The following KIAA0319 variants were observed in gnomAD, a reference collection of about 807,000 sequenced individuals.
KIAA0319 encodes the protein KIAA0319.
A neutral mutation model predicts 108.4 loss-of-function variants in KIAA0319; 83 were observed. That is an observed-to-expected ratio of 0.77 (90% CI 0.64 to 0.92). The LOEUF is 0.92. Ranked by LOEUF, KIAA0319 falls within the 40% of genes least tolerant of loss-of-function variation. KIAA0319 has a pLI of 0.00. For missense variants in KIAA0319, 1,195 were observed against 1,322.4 expected (o/e 0.90, Z 1.49); for synonymous variants, 484 against 510.4 (o/e 0.95, Z 0.70).
chr6:24,556,636 C>T lies in KIAA0319; in HGVS notation c.2828G>A (p.Arg943His), dbSNP rs137950263. 83 of 1,613,874 alleles carry T rather than the reference C, an allele frequency of 5.1e-5. No individual in the cohort carries two copies. Among genetic ancestry groups the T allele is most frequent in the South Asian group, 1.9e-4 (17 of 91,060 alleles). ...SHLWMENLIQ[R>H]YIWDGESNCE... The stretch of plus-strand genomic sequence containing the variant: ...GTTGCTCTCTCCATCCCAGATATAA[C>T]GCTGTATAAGGTTCTCCATCCATAA... The change falls in exon 18 of 21, where the codon CGT (arginine) becomes CAT (histidine). Residue 943 changes from arginine (R) to histidine (H), a missense_variant. Physicochemically the swap from Arg to His is conservative, Grantham distance 29. Transcript: ENST00000378214.
Position 24,596,501 on chromosome 6 carries a change from G to C in KIAA0319, c.173C>G (p.Thr58Arg), listed in dbSNP as rs771546218. The C allele has an allele frequency of 6.8e-6, 11 of 1,614,118 alleles. No homozygotes were observed. The Admixed American group carries it at 1.7e-4, about 24-fold the overall frequency. Residue 58 changes from threonine (T) to arginine (R), a missense_variant, in exon 3 of 21, where the codon ACG (threonine) becomes AGG (arginine). By Grantham distance (71) the Thr-to-Arg change is moderately conservative. Transcript: ENST00000378214. ...GCTGGACAGGTCACAGCAAGCGGCC[G>C]TGCAGTCTACGACAGGGAAGGTGTG... ...VSHTFPVVDC[T>R]AACCDLSSCD...
chr6:24,542,721 A>G (rs1381255209), downstream of KIAA0319, among the ~76,000 whole-genome samples: 1 of 152,214 alleles, frequency 6.6e-6, no homozygotes, highest in African/African-American at 2.4e-5. Context: ...TCTCAAACAA[A>G]CAAAAAACAC....
At position 24,572,853 on chromosome 6, in the gene KIAA0319, C is replaced by T. The variant is rs571339325; in HGVS notation, c.1735-155G>A. 3.9e-5 allele frequency among the ~76,000 whole-genome samples: 6 copies of T among 152,340 alleles called. No individual in the cohort carries two copies. In the East Asian group the frequency reaches 1.2e-3, roughly 29 times the overall value. ...GTGTTTGGCCAGGCACGGTGGTTCA[C>T]ATCTGTAATCCCAGCACTTTAGGAG... On this transcript the variant is annotated intron_variant, in intron 10 of 20. Transcript: ENST00000378214.
In KIAA0319 at chr6:24,599,469, G is replaced by A; in HGVS notation, c.55+1580C>T. The stretch of plus-strand genomic sequence containing the variant: ...GCAGGACATGGCATGGCAGCTGCAT[G>A]AGTACCAGGAGCTGATGATCATCAA... On this transcript the variant is annotated intron_variant, in intron 2 of 20. Transcript: ENST00000378214. This position sits in a 1 kb window ranked among gnomAD's most constrained non-coding sequence, Gnocchi z 4.1. 1 of 556,638 alleles carries A rather than the reference G, an allele frequency of 1.8e-6. No homozygotes were observed. The highest frequency in any genetic ancestry group is 3.4e-6 in the Non-Finnish European group (1 of 289,856). 34.5% of individuals were successfully genotyped at this position (556,638 alleles called of 1,614,324 possible).
intron 13 of KIAA0319, 29 bp downstream of exon 13, chr6:24,568,752 C>A: frequency 6.2e-7 from 1 of 1,608,128 alleles, no homozygotes; most frequent in Non-Finnish European, 8.5e-7. Context: ...CAGAGCAGGC[C>A]CAGCCCTGTC....
In KIAA0319 at chr6:24,553,270, G is replaced by GATATATATATATATATATAT. The variant is rs1341452189; in HGVS notation, c.2948+1270_2948+1271insATATATATATATATATATAT. On this transcript the variant is annotated intron_variant, in intron 19 of 20. Coordinates refer to ENST00000378214, the MANE Select transcript of KIAA0319 (RefSeq NM_014809.4). ...TGTAAGGCCACTTAGGTACTTGTGA[G>GATATATATATATATATATAT]ATAGATATATATATATATATATATA... 4.1e-4 allele frequency among the ~76,000 whole-genome samples: 43 copies of GATATATATATATATATATAT among 105,872 alleles called. 2 individuals carry two copies. Among genetic ancestry groups the GATATATATATATATATATAT allele is most frequent in the African/African-American group, 1.7e-3 (37 of 21,280 alleles). The allele number at this position is 105,872 out of a possible 152,430, so 69.5% of individuals were successfully genotyped here.
At chr6:24,579,536 C>G (rs1373625309) in intron 8 of KIAA0319, among the ~76,000 whole-genome samples, 1 of 140,794 alleles carries the variant, frequency 7.1e-6, no homozygotes, top group Admixed American at 7.3e-5. Flanking sequence ...TATATATATA[C>G]ATATATATAT....
chr6:24,624,571 A>G (rs1774447009), intron 1 of KIAA0319, among the ~76,000 whole-genome samples: 1 of 152,204 alleles, frequency 6.6e-6, no homozygotes, highest in Admixed American at 6.5e-5. Context: ...TGAGGAAAAA[A>G]TAGAAAATGA....
chr6:24,589,317 G>A (rs1008648481), intron 3 of KIAA0319, among the ~76,000 whole-genome samples: 3 of 152,064 alleles, frequency 2.0e-5, no homozygotes, highest in African/African-American at 7.2e-5. Context: ...AGAAACCCTC[G>A]CCAAGAACCC....
chr6:24,551,344 A>ATC (rs1458039211), intron 20 of KIAA0319, 90 bp downstream of exon 20: 1 of 861,010 alleles, frequency 1.2e-6, no homozygotes, highest in Non-Finnish European at 2.0e-6. Flanking sequence ...ACTCCAGCAA[A>ATC]TCGTTCTCCC....
At chr6:24,556,999 G>A (rs945207045) in intron 17 of KIAA0319, among the ~76,000 whole-genome samples, 2 of 152,188 alleles carry the variant, frequency 1.3e-5, no homozygotes, top group African/African-American at 2.4e-5. Context: ...AAGGTCAGGA[G>A]ATCCAGACCA....
At chr6:24,551,596 G>A (rs1581875653) in intron 19 of KIAA0319, 71 bp from the exon 20 acceptor site, 7 of 1,037,836 alleles carry the variant, frequency 6.7e-6, no homozygotes, top group Non-Finnish European at 1.5e-6. Flanking sequence ...TTAACGCACA[G>A]TAAAGACACT....
chr6:24,565,424 G>A (rs1038707145), intron 14 of KIAA0319, among the ~76,000 whole-genome samples: 1 of 151,652 alleles, frequency 6.6e-6, no homozygotes, highest in East Asian at 1.9e-4. Flanking sequence ...TGCCTGCCAG[G>A]AGCTAAAAAC....
intron 20 of KIAA0319, among the ~76,000 whole-genome samples, chr6:24,549,267 A>C (rs1761083644): frequency 7.0e-6 from 1 of 143,322 alleles, no homozygotes; most frequent in Non-Finnish European, 1.5e-5. Flanking sequence ...CAGAGGTTGC[A>C]GTGAGCTGAG....
At chr6:24,618,665 C>T (rs1306398252) in intron 1 of KIAA0319, among the ~76,000 whole-genome samples, 1 of 151,666 alleles carries the variant, frequency 6.6e-6, no homozygotes, top group African/African-American at 2.4e-5. Context: ...GTACAAAACA[C>T]ACAGGCAACA....
chr6:24,566,506 G>C (rs1763915753), intron 14 of KIAA0319, 91 bp downstream of exon 14: 1 of 1,156,298 alleles, frequency 8.6e-7, no homozygotes, highest in Admixed American at 2.5e-5. Context: ...CCTTTCCTTA[G>C]AATATACCGT....
chr6:24,599,797 C>A lies in KIAA0319; in HGVS notation c.55+1252G>T. 1 of 476,256 alleles carries A rather than the reference C, an allele frequency of 2.1e-6. No individual in the cohort carries two copies. Among genetic ancestry groups the A allele is most frequent in the South Asian group, 1.8e-5 (1 of 56,152 alleles). 29.5% of individuals were successfully genotyped at this position (476,256 alleles called of 1,614,324 possible). A position where few individuals can be genotyped will look rare whatever the true frequency, so the allele number is the denominator to read the frequency against. On this transcript the variant is annotated intron_variant, in intron 2 of 20. Coordinates refer to ENST00000378214, the MANE Select transcript of KIAA0319 (RefSeq NM_014809.4). This position sits in a 1 kb window ranked among gnomAD's most constrained non-coding sequence, Gnocchi z 4.1. Reference sequence around the variant, plus strand: ...GATGTTCTGCCCAAGTGAATGGCCACAGCAGCCCCTCCCAGCCTACCCCCT... The same window carrying A: ...GATGTTCTGCCCAAGTGAATGGCCAAAGCAGCCCCTCCCAGCCTACCCCCT...
intron 1 of KIAA0319, among the ~76,000 whole-genome samples, chr6:24,624,613 C>A (rs1582291565): frequency 6.6e-6 from 1 of 152,106 alleles, no homozygotes; most frequent in African/African-American, 2.4e-5. Flanking sequence ...GAACCTTGTG[C>A]TGGGACCTTG....
intron 1 of KIAA0319, among the ~76,000 whole-genome samples, chr6:24,630,683 G>GTATATATATATATA (rs563881076): frequency 2.4e-4 from 24 of 100,682 alleles, no homozygotes; most frequent in African/African-American, 7.4e-4. Context: ...GTGTATATGT[G>GTATATATATATATA]TATATATATA....
Sources: allele counts gnomAD v4.1 joint callset (sites outside exome capture counted in the v4.1 genomes callset), GRCh38; gene constraint gnomAD v4.1.1; non-coding constraint Gnocchi (gnomAD v3.1); transcripts MANE v1.5; gene names NCBI Gene and HGNC (gene_info 2026-07-23, HGNC 2026-07-21).